NRP2: variants seen among roughly 807,000 people sequenced by gnomAD.
NRP2 encodes the protein neuropilin-2.
In NRP2, 52 loss-of-function variants were observed where a neutral mutation model predicts 110.4. The ratio of observed to expected loss-of-function variants is 0.47; its 90% CI spans 0.38 to 0.59. The LOEUF (loss-of-function observed/expected upper bound fraction) is 0.59, where lower values mean the gene tolerates loss of function less well. NRP2 is among the 20% of genes least tolerant of loss of function. NRP2 has a pLI of 0.00. For missense variants in NRP2, 1,049 were observed against 1,203.0 expected (o/e 0.87, Z 1.89); for synonymous variants, 508 against 468.9 (o/e 1.08, Z -1.08).
chr2:205,759,927 T>C (rs1383136057), intron 12 of NRP2, among the ~76,000 whole-genome samples: 1 of 152,220 alleles, frequency 6.6e-6, no homozygotes, highest in Non-Finnish European at 1.5e-5. Flanking sequence ...GTATCCATTT[T>C]ACAGATGGAA....
chr2:205,749,579 T>A (rs111366448), intron 10 of NRP2, 146 bp from the exon 11 acceptor site: 34 of 688,496 alleles, frequency 4.9e-5, no homozygotes, highest in African/African-American at 4.5e-4. Context: ...CCTGACTTCG[T>A]TGACAGCACA....
intron 11 of NRP2, among the ~76,000 whole-genome samples, chr2:205,751,124 A>G (rs1417443226): frequency 1.3e-5 from 2 of 152,196 alleles, no homozygotes; most frequent in Non-Finnish European, 2.9e-5. Context: ...TTTGAGAGCC[A>G]AAAGTGGAAT....
At position 205,777,849 on chromosome 2, in the gene NRP2, A is replaced by C. The variant is rs1045885823; in HGVS notation, c.2425+11046A>C. On this transcript the variant is annotated intron_variant, in intron 15 of 16. Coordinates refer to ENST00000357785, the MANE Select transcript of NRP2 (RefSeq NM_003872.3). ...GTACCTATGTGCTGCCCCTTAAAAC[A>C]TTCATGGCATCTGGCAAATAGACCC... 4 of 152,198 alleles carry C rather than the reference A, an allele frequency of 2.6e-5. No homozygotes were observed. In the East Asian group the frequency reaches 5.8e-4, roughly 22 times the overall value. 9.4% of individuals were successfully genotyped at this position (152,198 alleles called of 1,614,324 possible). A position where few individuals can be genotyped will look rare whatever the true frequency, so the allele number is the denominator to read the frequency against.
At chr2:205,709,488 C>T (rs1434560003) in intron 2 of NRP2, among the ~76,000 whole-genome samples, 2 of 152,168 alleles carry the variant, frequency 1.3e-5, no homozygotes, top group African/African-American at 2.4e-5. Context: ...GTTATTATGT[C>T]CATTTTGTAG....
At chr2:205,789,191 C>T (rs72942914) in intron 15 of NRP2, among the ~76,000 whole-genome samples, 6,170 of 152,246 alleles carry the variant, frequency 0.041, 161 homozygotes, top group Non-Finnish European at 0.06. Context: ...GTGTCCCAGC[C>T]ACACCCAAAG....
intron 1 of NRP2, among the ~76,000 whole-genome samples, chr2:205,692,830 T>C (rs763067371): frequency 6.6e-6 from 1 of 152,190 alleles, no homozygotes; most frequent in African/African-American, 2.4e-5. Context: ...TTATAAGATC[T>C]ATTCCCCACC....
chr2:205,722,236 C>A, intron 3 of NRP2: 1 of 535,686 alleles, frequency 1.9e-6, no homozygotes. Flanking sequence ...CACCCCACTC[C>A]CCAATTCCTC....
At chr2:205,724,061 G>A in intron 5 of NRP2, 121 bp downstream of exon 5, 1 of 1,149,404 alleles carries the variant, frequency 8.7e-7, no homozygotes, top group South Asian at 1.3e-5. Context: ...ATTTATGGTG[G>A]CATCTGAGTT....
At chr2:205,748,140 A>G (rs1020935130) in intron 10 of NRP2, among the ~76,000 whole-genome samples, 1 of 152,146 alleles carries the variant, frequency 6.6e-6, no homozygotes, top group African/African-American at 2.4e-5. Context: ...CCTGGGTTTA[A>G]CATTCTTTAC....
rs555107484 is a variant in NRP2, at chr2:205,696,790, T to C, written c.74-754T>C. On this transcript the variant is annotated intron_variant, in intron 1 of 16. Coordinates refer to ENST00000357785, the MANE Select transcript of NRP2 (RefSeq NM_003872.3). ...GGGCAGACAGCGCAGAAGAAACAGA[T>C]GTTCATTCAACACAAAGCACCTTTG... is the stretch of plus-strand genomic sequence containing the variant. Among the ~76,000 whole-genome samples, 297 of 152,286 alleles carry C rather than the reference T, an allele frequency of 2.0e-3. 1 individual carries two copies. The highest frequency in any genetic ancestry group is 7.0e-3 in the African/African-American group (289 of 41,548).
At position 205,689,745 on chromosome 2, in the gene NRP2, T is replaced by C. The variant is rs1471053267; in HGVS notation, c.73+6382T>C. Among the ~76,000 whole-genome samples the C allele has an allele frequency of 3.9e-5, 6 of 152,182 alleles. 1 individual carries two copies. Among genetic ancestry groups the C allele is most frequent in the Non-Finnish European group, 8.8e-5 (6 of 68,028 alleles). On this transcript the variant is annotated intron_variant, in intron 1 of 16. Transcript: ENST00000357785. ...TTTTTAATCTCTCATTTCCTTTCCTTTTCCTCCCCTTCCATCCTTCAACAC... is the reference window on the plus strand; with the variant it reads ...TTTTTAATCTCTCATTTCCTTTCCTCTTCCTCCCCTTCCATCCTTCAACAC...
intron 6 of NRP2, 85 bp from the exon 7 acceptor site, chr2:205,727,806 C>A: frequency 7.1e-7 from 1 of 1,399,924 alleles, no homozygotes; most frequent in Non-Finnish European, 9.7e-7. Flanking sequence ...GAAGCAAAGT[C>A]TAATGATTGT....
chr2:205,767,730 C>A (rs2057950116), intron 15 of NRP2: 1 of 208,126 alleles, frequency 4.8e-6, no homozygotes. Context: ...CATTTAGGAG[C>A]CACTCTAAAT....
At chr2:205,794,059 C>CAAAGGTGCTGTT (rs2058328946) in intron 16 of NRP2, among the ~76,000 whole-genome samples, 1 of 152,112 alleles carries the variant, frequency 6.6e-6, no homozygotes, top group African/African-American at 2.4e-5. Context: ...AAAGCCACCC[C>CAAAGGTGCTGTT]AAAGGTGCTG....
In NRP2 at chr2:205,689,789, G is replaced by A. The variant is rs3821177; in HGVS notation, c.73+6426G>A. Among the ~76,000 whole-genome samples the A allele has an allele frequency of 1.6e-3, 248 of 152,068 alleles. 9 individuals carry two copies. The East Asian group carries it at 0.046, about 28-fold the overall frequency. On this transcript the variant is annotated intron_variant, in intron 1 of 16. Coordinates refer to ENST00000357785, the MANE Select transcript of NRP2 (RefSeq NM_003872.3). ...TCAACACTGAGAGTGTGCTCAGCAG[G>A]GAACACCGTGTTTAAGGCGCTCTCC...
At chr2:205,747,108 C>A (rs1031777398) in intron 10 of NRP2, among the ~76,000 whole-genome samples, 11 of 152,204 alleles carry the variant, frequency 7.2e-5, no homozygotes, top group African/African-American at 2.7e-4. Flanking sequence ...GGGCTCAGCG[C>A]TGTAGGGGAT....
At chr2:205,726,373 T>C (rs572353289) in intron 6 of NRP2, among the ~76,000 whole-genome samples, 4 of 152,224 alleles carry the variant, frequency 2.6e-5, no homozygotes, top group Admixed American at 1.3e-4. Flanking sequence ...CAAGGAACAT[T>C]ATATAAGCTG....
In NRP2 at chr2:205,763,939, G is replaced by A; in HGVS notation, c.2307+3G>A. ...CCAGCTACGACATGGAGTACCAGGT[G>A]GGGTGAGCAAAAAGGGAATCTTGTG... On this transcript the variant is annotated splice_donor_region_variant and intron_variant, in intron 13 of 16. Coordinates refer to ENST00000357785, the MANE Select transcript of NRP2 (RefSeq NM_003872.3). This position sits in a 1 kb window ranked among gnomAD's most constrained non-coding sequence, Gnocchi z 4.0. 7 of 1,613,888 alleles carry A rather than the reference G, an allele frequency of 4.3e-6. No individual in the cohort carries two copies. Among genetic ancestry groups the A allele is most frequent in the Non-Finnish European group, 5.9e-6 (7 of 1,179,896 alleles).
At chr2:205,732,458 G>C (rs2057258149) in intron 7 of NRP2, among the ~76,000 whole-genome samples, 1 of 152,222 alleles carries the variant, frequency 6.6e-6, no homozygotes, top group South Asian at 2.1e-4. Context: ...TCTATTTTCA[G>C]ATCTTCTTAA....
Sources: allele counts gnomAD v4.1 joint callset (sites outside exome capture counted in the v4.1 genomes callset), GRCh38; gene constraint gnomAD v4.1.1; non-coding constraint Gnocchi (gnomAD v3.1); transcripts MANE v1.5; gene names NCBI Gene and HGNC (gene_info 2026-07-23, HGNC 2026-07-21).